Variants in ANKS1A observed in about 807,000 individuals in gnomAD.
ANKS1A encodes the protein ankyrin repeat and SAM domain-containing protein 1A.
In ANKS1A, 55 loss-of-function variants were observed where a neutral mutation model predicts 120.3. That is an observed-to-expected ratio of 0.46 (90% confidence interval 0.37 to 0.57). ANKS1A has a LOEUF of 0.57. Among genes scored for constraint, ANKS1A ranks in the 20% least tolerant of loss-of-function variants. ANKS1A has a pLI of 0.00. For missense variants in ANKS1A, 1,123 were observed against 1,480.3 expected (o/e 0.76, Z 3.96); for synonymous variants, 590 against 604.7 (o/e 0.98, Z 0.36).
downstream of ANKS1A, among the ~76,000 whole-genome samples, chr6:35,092,022 C>G (rs1778324862): frequency 6.6e-6 from 1 of 152,188 alleles, no homozygotes; most frequent in African/African-American, 2.4e-5. Context: ...GACGGAGCAC[C>G]TTGGCCCCTT....
At position 34,938,967 on chromosome 6, in the gene ANKS1A, G is replaced by A. The variant is rs556860969; in HGVS notation, c.198-28272G>A. On this transcript the variant is annotated intron_variant, in intron 1 of 23. Transcript: ENST00000360359. ...CTCGCCACTGTGCTCCAGCCTGGGCGACAGAGCGAGACTCCATCTTGGAAA... is the reference window on the plus strand; with the variant it reads ...CTCGCCACTGTGCTCCAGCCTGGGCAACAGAGCGAGACTCCATCTTGGAAA... Among the ~76,000 whole-genome samples, 5 of 152,306 alleles carry A rather than the reference G, an allele frequency of 3.3e-5. No individual in the cohort carries two copies. The South Asian group carries it at 8.3e-4, about 25-fold the overall frequency.
At chr6:34,924,127 GTATT>G (rs1355822592) in intron 1 of ANKS1A, among the ~76,000 whole-genome samples, 3 of 143,572 alleles carry the variant, frequency 2.1e-5, no homozygotes, top group African/African-American at 8.0e-5. Context: ...GTGTGTGTGT[GTATT>G]TTTCTTTTCC....
chr6:34,934,926 AG>A (rs753189733), intron 1 of ANKS1A, among the ~76,000 whole-genome samples: 3 of 152,088 alleles, frequency 2.0e-5, no homozygotes, highest in African/African-American at 4.8e-5. Flanking sequence ...TGGATTCTTC[AG>A]GTGTCTTCTT....
At chr6:34,949,450 A>T (rs931040822) in intron 1 of ANKS1A, among the ~76,000 whole-genome samples, 1 of 152,234 alleles carries the variant, frequency 6.6e-6, no homozygotes, top group Non-Finnish European at 1.5e-5. Flanking sequence ...GTTAGCATTT[A>T]AAAAGTAGGA....
At chr6:35,067,885 A>AT (rs1561952442) in intron 13 of ANKS1A, among the ~76,000 whole-genome samples, 21 of 115,828 alleles carry the variant, frequency 1.8e-4, no homozygotes, top group Non-Finnish European at 1.1e-4. Context: ...CTTCATTTTC[A>AT]ATTTTTTTTT....
At chr6:35,041,547 G>A (rs1372458091) in intron 11 of ANKS1A, among the ~76,000 whole-genome samples, 1 of 152,176 alleles carries the variant, frequency 6.6e-6, no homozygotes, top group Non-Finnish European at 1.5e-5. Context: ...ACAAACCCAA[G>A]GGTGTAAGTC....
At chr6:35,091,995 C>T (rs902041859), downstream of ANKS1A, among the ~76,000 whole-genome samples, 6 of 152,190 alleles carry the variant, frequency 3.9e-5, no homozygotes, top group African/African-American at 1.4e-4. Flanking sequence ...GCGGTCATAG[C>T]GGCCCCTTCA....
At chr6:35,061,780 C>T (rs1776520102) in intron 13 of ANKS1A, among the ~76,000 whole-genome samples, 1 of 152,216 alleles carries the variant, frequency 6.6e-6, no homozygotes, top group African/African-American at 2.4e-5. Context: ...TCACCACGTT[C>T]CTCGGGGAAG....
intron 1 of ANKS1A, among the ~76,000 whole-genome samples, chr6:34,944,233 A>G (rs1191715591): frequency 1.3e-5 from 2 of 152,056 alleles, no homozygotes; most frequent in Non-Finnish European, 2.9e-5. Context: ...AGCTGAGATC[A>G]TGCTACTGCA....
chr6:34,981,051 C>T (rs1771878379), intron 3 of ANKS1A, among the ~76,000 whole-genome samples: 1 of 152,144 alleles, frequency 6.6e-6, no homozygotes, highest in Non-Finnish European at 1.5e-5. Flanking sequence ...GTGCAGGCTC[C>T]TGGGGTAGGC....
intron 9 of ANKS1A, among the ~76,000 whole-genome samples, chr6:34,992,080 T>C (rs1205094099): frequency 6.6e-6 from 1 of 152,030 alleles, no homozygotes. Context: ...GTATGAGCAA[T>C]TGGATGAAGA....
At chr6:35,040,643 A>T (rs1229622593) in intron 11 of ANKS1A, among the ~76,000 whole-genome samples, 3 of 152,206 alleles carry the variant, frequency 2.0e-5, no homozygotes, top group African/African-American at 7.2e-5. Flanking sequence ...CAAGGCTCTT[A>T]TTGATCATTT....
At chr6:34,901,583 T>C (rs1767353179) in intron 1 of ANKS1A, among the ~76,000 whole-genome samples, 1 of 152,192 alleles carries the variant, frequency 6.6e-6, no homozygotes, top group Non-Finnish European at 1.5e-5. Flanking sequence ...CAATCACAGC[T>C]CATTGTAACT....
intron 10 of ANKS1A, chr6:35,005,807 C>A (rs1292562908): frequency 4.6e-6 from 2 of 431,620 alleles, no homozygotes; most frequent in African/African-American, 2.1e-5. Context: ...AATCCCAGCA[C>A]TTTGGGACCC....
intron 1 of ANKS1A, among the ~76,000 whole-genome samples, chr6:34,943,821 C>T (rs749368399): frequency 6.6e-6 from 1 of 152,178 alleles, no homozygotes; most frequent in Non-Finnish European, 1.5e-5. Flanking sequence ...TTGGTCGCTT[C>T]CAAGTTTTGG....
chr6:35,065,840 G>T (rs972332512), intron 13 of ANKS1A, among the ~76,000 whole-genome samples: 1 of 152,218 alleles, frequency 6.6e-6, no homozygotes, highest in African/African-American at 2.4e-5. Context: ...GTTCGGCTCT[G>T]TGCACTGGCT....
chr6:34,978,708 G>T (rs1771738375), intron 3 of ANKS1A, among the ~76,000 whole-genome samples: 1 of 150,894 alleles, frequency 6.6e-6, no homozygotes, highest in Non-Finnish European at 1.5e-5. Flanking sequence ...GGGAGGCTGA[G>T]GCAGGAGAAT....
chr6:34,983,426 G>A lies in ANKS1A; in HGVS notation c.1012+1G>A. Reference sequence around the variant, plus strand: ...GACTCCATATCACAGAAGTCTCAGGGTAAGGTAACTCTCCCCTATGAGTAA... The same window carrying A: ...GACTCCATATCACAGAAGTCTCAGGATAAGGTAACTCTCCCCTATGAGTAA... On this transcript the variant is annotated splice_donor_variant, in intron 7 of 23. Coordinates refer to ENST00000360359, the MANE Select transcript of ANKS1A (RefSeq NM_015245.3). LOFTEE classifies it high-confidence loss of function. The A allele has an allele frequency of 6.2e-7, 1 of 1,611,304 alleles. No homozygotes were observed. The highest frequency in any genetic ancestry group is 8.5e-7 in the Non-Finnish European group (1 of 1,178,502).
rs778367279 is a variant in ANKS1A, at chr6:35,060,205, G to A, written c.2136G>A (p.Gln712=). The A allele has an allele frequency of 3.1e-5, 50 of 1,612,990 alleles. No individual in the cohort carries two copies. The highest frequency in any genetic ancestry group is 3.9e-5 in the Non-Finnish European group (46 of 1,179,850). ...GEWLESIGLQ[Q]YESKLLLNGF... is the part of the protein sequence containing the mutation. ...GGCTGGAGTCGATTGGGCTGCAGCA[G>A]TATGAGAGCAAGTTGCTTCTGAATG... The change falls in exon 13 of 24, where the codon CAG becomes CAA. Residue 712 remains glutamine, a synonymous_variant. Transcript: ENST00000360359. This position sits in a 1 kb window ranked among gnomAD's most constrained non-coding sequence, Gnocchi z 4.5.
Sources: allele counts gnomAD v4.1 joint callset (sites outside exome capture counted in the v4.1 genomes callset), GRCh38; gene constraint gnomAD v4.1.1; non-coding constraint Gnocchi (gnomAD v3.1); transcripts MANE v1.5; gene names NCBI Gene and HGNC (gene_info 2026-07-23, HGNC 2026-07-21).